FRAS1: variants seen among roughly 807,000 people sequenced by gnomAD.
The protein encoded by FRAS1 is extracellular matrix organizing protein FRAS1.
Under a neutral mutation model 435.2 loss-of-function variants are expected in FRAS1, and 290 were observed. That is an observed-to-expected ratio of 0.67 (90% CI 0.61 to 0.73). The LOEUF is 0.73. Ranked by LOEUF, FRAS1 falls within the 30% of genes least tolerant of loss-of-function variation. The pLI, the probability that FRAS1 is intolerant of heterozygous loss-of-function variation, is 0.00. For synonymous variants in FRAS1, 1,800 were observed against 1,851.0 expected (o/e 0.97, Z 0.71); for missense variants, 4,860 against 5,001.5 (o/e 0.97, Z 0.85).
intron 14 of FRAS1, among the ~76,000 whole-genome samples, chr4:78,302,430 C>A (rs1355456699): frequency 6.6e-6 from 1 of 152,040 alleles, no homozygotes; most frequent in African/African-American, 2.4e-5. Context: ...GGAATCGCCA[C>A]ACTGACTTCC....
chr4:78,192,809 T>C lies in FRAS1; in HGVS notation c.109-44701T>C, dbSNP rs553849107. 2.6e-5 allele frequency among the ~76,000 whole-genome samples: 4 copies of C among 152,360 alleles called. No individual in the cohort carries two copies. In the East Asian group the frequency reaches 7.7e-4, roughly 29 times the overall value. ...ACGATCTTAGTTACTTCTTGCCTTC[T>C]AATAGCTTTTGAATGTGTTTGCTCT... On this transcript the variant is annotated intron_variant, in intron 2 of 73. Coordinates refer to ENST00000512123, the MANE Select transcript of FRAS1 (RefSeq NM_025074.7).
chr4:78,141,579 G>A (rs1720184020), intron 2 of FRAS1, among the ~76,000 whole-genome samples: 1 of 152,172 alleles, frequency 6.6e-6, no homozygotes, highest in South Asian at 2.1e-4. Flanking sequence ...TCCAAAAGCA[G>A]TGGTTGAGAG....
intron 35 of FRAS1, among the ~76,000 whole-genome samples, chr4:78,426,541 A>G (rs1578317108): frequency 1.3e-5 from 2 of 152,184 alleles, no homozygotes; most frequent in East Asian, 3.8e-4. Flanking sequence ...AAAGCCCAAG[A>G]GCTGACATTA....
At position 78,387,653 on chromosome 4, in the gene FRAS1, T is replaced by C. The variant is rs1239828474; in HGVS notation, c.3927T>C (p.Asp1309=). The change falls in exon 29 of 74, where the codon GAT becomes GAC. Residue 1309 remains aspartate (D), a synonymous_variant. Coordinates refer to ENST00000512123, the MANE Select transcript of FRAS1 (RefSeq NM_025074.7). ...TSDVAVLQAN[D]GHSFHNILFQ... The stretch of plus-strand genomic sequence containing the variant: ...ATGTTGCAGTCTTGCAGGCCAATGA[T>C]GGACACTCCTTCCATAATATACTGT... The C allele has an allele frequency of 1.3e-6, 2 of 1,598,698 alleles. No homozygotes were observed. Among genetic ancestry groups the C allele is most frequent in the South Asian group, 1.1e-5 (1 of 88,146 alleles).
chr4:78,174,148 C>T (rs1428195828), intron 2 of FRAS1, among the ~76,000 whole-genome samples: 2 of 152,152 alleles, frequency 1.3e-5, no homozygotes, highest in Non-Finnish European at 2.9e-5. Flanking sequence ...TCTGAATGAG[C>T]CTCATGTTTC....
intron 32 of FRAS1, among the ~76,000 whole-genome samples, chr4:78,414,909 G>A (rs60206494): frequency 0.019 from 2,969 of 152,306 alleles, 96 homozygotes; most frequent in African/African-American, 0.067. Flanking sequence ...GCAGAGCAAT[G>A]ATATGGGAGC....
intron 11 of FRAS1, 84 bp from the exon 12 acceptor site, chr4:78,282,736 G>A: frequency 2.6e-6 from 4 of 1,522,834 alleles, no homozygotes; most frequent in Non-Finnish European, 3.6e-6. Context: ...TTGTTCTTAT[G>A]GAAATTGTAA....
At chr4:78,376,898 G>A (rs1026281824) in intron 26 of FRAS1, among the ~76,000 whole-genome samples, 8 of 152,252 alleles carry the variant, frequency 5.3e-5, no homozygotes, top group Admixed American at 2.6e-4. Flanking sequence ...GGCTAAGGCA[G>A]GAGAATCGCT....
intron 9 of FRAS1, among the ~76,000 whole-genome samples, chr4:78,269,000 T>A (rs1726512267): frequency 6.6e-6 from 1 of 152,220 alleles, no homozygotes; most frequent in Admixed American, 6.5e-5. Flanking sequence ...CCATATTACT[T>A]CCATGTTTCC....
intron 70 of FRAS1, among the ~76,000 whole-genome samples, chr4:78,527,353 T>C (rs2109899236): frequency 6.7e-6 from 1 of 148,476 alleles, no homozygotes; most frequent in East Asian, 1.9e-4. Flanking sequence ...TTCATATTTA[T>C]TCAGCTCTTC....
rs527799010 is a variant in FRAS1, at chr4:78,432,707, T to C, written c.5217+103T>C. 3.1e-5 allele frequency: 42 copies of C among 1,338,214 alleles called. No homozygotes were observed. In the Admixed American group the frequency reaches 1.1e-3, roughly 36 times the overall value. The allele number at this position is 1,338,214 out of a possible 1,614,324, so 82.9% of individuals were successfully genotyped here. ...CTGAATATTTGGGGCAGCAGGTATA[T>C]GGTCACGTAAAGAACATTTTTCTCA... On this transcript the variant is annotated intron_variant, in intron 38 of 73. Transcript: ENST00000512123.
intron 35 of FRAS1, among the ~76,000 whole-genome samples, chr4:78,425,927 A>G (rs1733981786): frequency 6.6e-6 from 1 of 152,174 alleles, no homozygotes; most frequent in South Asian, 2.1e-4. Context: ...CCTTGAGCCC[A>G]GGAGTTCAAG....
intron 20 of FRAS1, among the ~76,000 whole-genome samples, chr4:78,362,878 A>G (rs1182509933): frequency 6.6e-6 from 1 of 152,120 alleles, no homozygotes; most frequent in East Asian, 1.9e-4. Flanking sequence ...TTATAGGCAC[A>G]GGATAGGGGT....
chr4:78,191,698 C>A (rs1490993622), intron 2 of FRAS1, among the ~76,000 whole-genome samples: 5 of 152,014 alleles, frequency 3.3e-5, no homozygotes, highest in South Asian at 2.1e-4. Flanking sequence ...CCGCTCCCCC[C>A]ACCCCACAAC....
rs371139718 is a variant in FRAS1 at position 78,507,430 on chromosome 4, A to G, written c.9326A>G (p.His3109Arg). Reference sequence around the variant, plus strand: ...TCTGTCCTTGGCGAAGGTGTGGATCATATCTTTTTTAAAGTTGAGATCCTG... The same window carrying G: ...TCTGTCCTTGGCGAAGGTGTGGATCGTATCTTTTTTAAAGTTGAGATCCTG... ...RVLKFSPGVD[H>R]IFFKVEILSN... Residue 3109 changes from histidine to arginine, a missense_variant, in exon 62 of 74, where the codon CAT becomes CGT. Physicochemically the swap from His to Arg is conservative, Grantham distance 29. Coordinates refer to ENST00000512123, the MANE Select transcript of FRAS1 (RefSeq NM_025074.7). 28 of 1,609,840 alleles carry G rather than the reference A, an allele frequency of 1.7e-5. No homozygotes were observed. In the African/African-American group the frequency reaches 3.5e-4, roughly 20 times the overall value.
chr4:78,378,551 G>A (rs1731876120), intron 26 of FRAS1, among the ~76,000 whole-genome samples: 1 of 152,120 alleles, frequency 6.6e-6, no homozygotes, highest in South Asian at 2.1e-4. Flanking sequence ...AATCCATGAG[G>A]TTTTGATTTC....
chr4:78,320,727 T>C lies in FRAS1; in HGVS notation c.2137+1741T>C, dbSNP rs894914072. On this transcript the variant is annotated intron_variant, in intron 18 of 73. Transcript: ENST00000512123. ...TTTTGTTTGATGGAATCTGTGAAAC[T>C]AGTCTGCATAGTTTTACACAGCCTT... Among the ~76,000 whole-genome samples, 6 of 152,118 alleles carry C rather than the reference T, an allele frequency of 3.9e-5. No individual in the cohort carries two copies. The East Asian group carries it at 1.2e-3, about 29-fold the overall frequency.
chr4:78,466,692 C>T (rs1191301751), intron 50 of FRAS1, among the ~76,000 whole-genome samples: 1 of 152,184 alleles, frequency 6.6e-6, no homozygotes, highest in Non-Finnish European at 1.5e-5. Flanking sequence ...AAATAGTGCT[C>T]AATAAATGGT....
At chr4:78,515,359 G>C (rs369782595) in intron 65 of FRAS1, among the ~76,000 whole-genome samples, 2 of 131,008 alleles carry the variant, frequency 1.5e-5, no homozygotes, top group African/African-American at 5.6e-5. Flanking sequence ...TCTCAAAAAA[G>C]AAATTTTAAA....
Sources: gnomAD v4.1 joint callset for allele counts (sites outside exome capture counted in the v4.1 genomes callset) on GRCh38, gnomAD v4.1.1 for gene constraint, MANE v1.5 for transcripts, NCBI Gene and HGNC (gene_info 2026-07-23, HGNC 2026-07-21) for gene names.